The following CSTPP1 variants were observed in gnomAD, a reference collection of about 807,000 sequenced individuals.
CSTPP1 encodes the protein UPF0705 protein C11orf49.
At chr11:47,030,060 G>A in the CSTPP1 span, among the ~76,000 whole-genome samples, 4 of 152,080 alleles carry the variant, frequency 2.6e-5, no homozygotes, top group Non-Finnish European at 4.4e-5. Context: ...CTAGGAATTT[G>A]AAGCTGCAGT....
At chr11:47,041,024 G>C in the CSTPP1 span, 2 of 153,272 alleles carry the variant, frequency 1.3e-5, no homozygotes, top group African/African-American at 4.8e-5. Flanking sequence ...CAGTGGTGCT[G>C]CTGGGTGCTA....
chr11:47,101,189 T>TTA, the CSTPP1 span, among the ~76,000 whole-genome samples: 3 of 87,696 alleles, frequency 3.4e-5, no homozygotes, highest in African/African-American at 1.3e-4. Context: ...TTTTTTTTTT[T>TTA]ATTTTATTTT....
the CSTPP1 span, among the ~76,000 whole-genome samples, chr11:46,992,151 T>C: frequency 2.0e-5 from 3 of 152,198 alleles, no homozygotes; most frequent in African/African-American, 7.2e-5. Context: ...TTTTAAGTTA[T>C]TGAATACTAT....
At chr11:46,956,888 A>G in the CSTPP1 span, among the ~76,000 whole-genome samples, 1 of 151,644 alleles carries the variant, frequency 6.6e-6, no homozygotes, top group Non-Finnish European at 1.5e-5. Flanking sequence ...TGAAAATTAT[A>G]CATATGTATG....
At chr11:47,099,756 A>G in the CSTPP1 span, among the ~76,000 whole-genome samples, 1 of 152,230 alleles carries the variant, frequency 6.6e-6, no homozygotes, top group African/African-American at 2.4e-5. Context: ...CCTGCCAATG[A>G]AAAAGATTAG....
chr11:47,153,768 G>C, the CSTPP1 span, among the ~76,000 whole-genome samples: 1 of 152,118 alleles, frequency 6.6e-6, no homozygotes, highest in Non-Finnish European at 1.5e-5. Flanking sequence ...TCTCTCTTCA[G>C]GAAGATCGCA....
At chr11:47,047,388 C>T in the CSTPP1 span, among the ~76,000 whole-genome samples, 1 of 149,846 alleles carries the variant, frequency 6.7e-6, no homozygotes, top group Non-Finnish European at 1.5e-5. Context: ...GGCATAAGGA[C>T]AAACATATAG....
chr11:46,955,410 C>T, the CSTPP1 span, among the ~76,000 whole-genome samples: 1 of 149,546 alleles, frequency 6.7e-6, no homozygotes, highest in Non-Finnish European at 1.5e-5. Flanking sequence ...TGTAACCAGG[C>T]TGGAGTGCAG....
the CSTPP1 span, among the ~76,000 whole-genome samples, chr11:47,109,490 A>G: frequency 1.3e-5 from 2 of 151,936 alleles, no homozygotes; most frequent in African/African-American, 4.8e-5. Flanking sequence ...TGTTCTGCTC[A>G]CTCCTCATTT....
the CSTPP1 span, chr11:47,154,969 T>C: frequency 1.2e-5 from 7 of 598,998 alleles, no homozygotes; most frequent in African/African-American, 7.4e-5. Context: ...CAGAGTCCAA[T>C]TGATGGAGCA....
chr11:46,962,561 C>T, the CSTPP1 span, among the ~76,000 whole-genome samples: 5 of 152,134 alleles, frequency 3.3e-5, no homozygotes, highest in Admixed American at 2.0e-4. Flanking sequence ...TAACAACCTA[C>T]GAACATGGAG....
chr11:47,122,091 A>AAAAAAATATATATATATAT, the CSTPP1 span, among the ~76,000 whole-genome samples: 4 of 31,838 alleles, frequency 1.3e-4, no homozygotes, highest in Non-Finnish European at 1.3e-4. Flanking sequence ...AAAAAAAAAA[A>AAAAAAATATATATATATAT]ATATATATAT....
chr11:46,973,818 CTG>C, the CSTPP1 span, among the ~76,000 whole-genome samples: 3 of 120,608 alleles, frequency 2.5e-5, no homozygotes, highest in Non-Finnish European at 3.3e-5. Context: ...GTCTGTGTGT[CTG>C]TGTGTGTTGA....
the CSTPP1 span, among the ~76,000 whole-genome samples, chr11:47,043,113 C>T: frequency 9.2e-5 from 14 of 152,288 alleles, no homozygotes; most frequent in Non-Finnish European, 1.9e-4. Context: ...TAACTGAAAG[C>T]TCATTTCTTG....
the CSTPP1 span, among the ~76,000 whole-genome samples, chr11:47,149,529 G>A: frequency 6.6e-6 from 1 of 152,178 alleles, no homozygotes; most frequent in African/African-American, 2.4e-5. Flanking sequence ...GCAGGCAAAG[G>A]CAAAGAGGCA....
the CSTPP1 span, among the ~76,000 whole-genome samples, chr11:47,045,837 A>C: frequency 6.6e-6 from 1 of 151,536 alleles, no homozygotes; most frequent in Non-Finnish European, 1.5e-5. Context: ...CCCAGGCTGG[A>C]GTGCAGTGGT....
the CSTPP1 span, among the ~76,000 whole-genome samples, chr11:47,068,757 AT>A: frequency 1.3e-5 from 2 of 152,136 alleles, no homozygotes; most frequent in African/African-American, 4.8e-5. Flanking sequence ...AAAATAATAA[AT>A]TTACTTTGCA....
the CSTPP1 span, among the ~76,000 whole-genome samples, chr11:47,002,628 C>G: frequency 9.2e-5 from 14 of 151,898 alleles, no homozygotes; most frequent in South Asian, 1.5e-3. Flanking sequence ...TTGTTCCCCC[C>G]ACCCCACCCC....
the CSTPP1 span, among the ~76,000 whole-genome samples, chr11:47,158,927 T>A: frequency 3.9e-5 from 6 of 152,212 alleles, no homozygotes; most frequent in Non-Finnish European, 8.8e-5. Flanking sequence ...GCATCCCCCT[T>A]CCTTTTGCCA....
Sources: gnomAD v4.1 joint callset for allele counts (sites outside exome capture counted in the v4.1 genomes callset) on GRCh38, gnomAD v4.1.1 for gene constraint, MANE v1.5 for transcripts, NCBI Gene and HGNC (gene_info 2026-07-23, HGNC 2026-07-21) for gene names.